The following PTPRT variants were observed in gnomAD, a reference collection of about 807,000 sequenced individuals.
The protein encoded by PTPRT is receptor-type tyrosine-protein phosphatase T.
A neutral mutation model predicts 176.8 loss-of-function variants in PTPRT; 56 were observed. The observed-to-expected ratio is 0.32, with a 90% CI of 0.26 to 0.40. The LOEUF is 0.40. PTPRT is among the 10% of genes least tolerant of loss of function. PTPRT has a pLI of 1.00. For synonymous variants in PTPRT, 783 were observed against 739.0 expected (o/e 1.06, Z -0.96); for missense variants, 1,540 against 1,908.2 (o/e 0.81, Z 3.60).
chr20:43,004,421 A>G (rs1984747565), intron 1 of PTPRT, among the ~76,000 whole-genome samples: 1 of 152,222 alleles, frequency 6.6e-6, no homozygotes, highest in Non-Finnish European at 1.5e-5. Context: ...ACTTCCCACA[A>G]GATTATCTAA....
At chr20:42,830,933 G>T (rs1240161986) in intron 2 of PTPRT, among the ~76,000 whole-genome samples, 1 of 152,160 alleles carries the variant, frequency 6.6e-6, no homozygotes, top group African/African-American at 2.4e-5. Context: ...GCTCATGATA[G>T]GAAGAATTAA....
intron 2 of PTPRT, among the ~76,000 whole-genome samples, chr20:42,868,137 A>G (rs956362232): frequency 6.6e-6 from 1 of 152,224 alleles, no homozygotes; most frequent in Non-Finnish European, 1.5e-5. Flanking sequence ...TTAGAGATTC[A>G]TGCTGCAAAG....
intron 1 of PTPRT, among the ~76,000 whole-genome samples, chr20:43,001,102 G>A (rs1264095601): frequency 6.6e-6 from 1 of 152,008 alleles, no homozygotes; most frequent in Non-Finnish European, 1.5e-5. Flanking sequence ...AAAAGGAGGA[G>A]GAGAAAAGAG....
chr20:42,048,974 A>G, the PTPRT span, among the ~76,000 whole-genome samples: 11 of 152,096 alleles, frequency 7.2e-5, no homozygotes, highest in African/African-American at 2.7e-4. Flanking sequence ...GATGCCCGCC[A>G]CCACACCTGT....
the PTPRT span, among the ~76,000 whole-genome samples, chr20:42,050,768 G>A: frequency 7.4e-3 from 1,120 of 152,338 alleles, 5 homozygotes; most frequent in Non-Finnish European, 0.011. Context: ...GAGGAGTGAA[G>A]TTGGAGGCTG....
chr20:42,804,818 A>T (rs1197641069), intron 2 of PTPRT, among the ~76,000 whole-genome samples: 1 of 152,092 alleles, frequency 6.6e-6, no homozygotes, highest in Non-Finnish European at 1.5e-5. Flanking sequence ...CACATGGTTT[A>T]TCCCTGTGTG....
At chr20:43,152,801 A>G (rs1278223212) in intron 1 of PTPRT, among the ~76,000 whole-genome samples, 1 of 152,198 alleles carries the variant, frequency 6.6e-6, no homozygotes, top group South Asian at 2.1e-4. Context: ...CATTCTCCTT[A>G]GCCTCTTAAT....
At chr20:43,173,754 C>T (rs1347355261) in intron 1 of PTPRT, among the ~76,000 whole-genome samples, 2 of 152,220 alleles carry the variant, frequency 1.3e-5, no homozygotes, top group Admixed American at 6.5e-5. Flanking sequence ...GGTGAGGGTC[C>T]TTCCCTCAGA....
chr20:42,299,641 CTTTTTTT>C (rs34045854), intron 12 of PTPRT, among the ~76,000 whole-genome samples: 2 of 85,986 alleles, frequency 2.3e-5, no homozygotes, highest in South Asian at 4.8e-4. Flanking sequence ...GAACTTTTGC[CTTTTTTT>C]TTTTTTTTTT....
chr20:42,147,970 A>C (rs1474638837), intron 17 of PTPRT, among the ~76,000 whole-genome samples: 3 of 152,106 alleles, frequency 2.0e-5, no homozygotes, highest in Admixed American at 1.3e-4. Flanking sequence ...TGAGGGGGAA[A>C]AGTATGAAAG....
chr20:42,399,210 C>G (rs1383662756), intron 9 of PTPRT, among the ~76,000 whole-genome samples: 1 of 152,240 alleles, frequency 6.6e-6, no homozygotes, highest in Non-Finnish European at 1.5e-5. Context: ...AGAAGAGTGG[C>G]AATGTCACAT....
intron 9 of PTPRT, among the ~76,000 whole-genome samples, chr20:42,402,969 GCA>G (rs1474078773): frequency 6.6e-6 from 1 of 152,040 alleles, no homozygotes; most frequent in African/African-American, 2.4e-5. Context: ...TATAAAAATG[GCA>G]CAGTTTTAAG....
intron 11 of PTPRT, among the ~76,000 whole-genome samples, chr20:42,321,473 T>C (rs576948173): frequency 1.3e-5 from 2 of 152,292 alleles, no homozygotes; most frequent in East Asian, 3.9e-4. Flanking sequence ...TATACCTGTA[T>C]AGCCAACAGG....
rs1046557747 is a variant in PTPRT, at chr20:42,885,723, A to G, written c.214+84T>C. ...ATCGATTGCCATCTCAGAGAGCTCA[A>G]TGTGTAAGTAAGTTCTTCCCCCCAT... is the stretch of plus-strand genomic sequence containing the variant. On this transcript the variant is annotated intron_variant, in intron 2 of 30. Coordinates refer to ENST00000373187, the MANE Select transcript of PTPRT (RefSeq NM_007050.6). 9 of 1,512,212 alleles carry G rather than the reference A, an allele frequency of 6.0e-6. No homozygotes were observed. The African/African-American group carries it at 6.9e-5, about 12-fold the overall frequency. 93.7% of individuals were successfully genotyped at this position (1,512,212 alleles called of 1,614,324 possible).
intron 2 of PTPRT, among the ~76,000 whole-genome samples, chr20:42,855,948 C>T (rs1458029061): frequency 6.6e-6 from 1 of 152,106 alleles, no homozygotes; most frequent in Non-Finnish European, 1.5e-5. Flanking sequence ...AACCAGTTAT[C>T]TCATATGAGG....
At chr20:43,127,172 CCAGCA>C (rs2013472603) in intron 1 of PTPRT, among the ~76,000 whole-genome samples, 1 of 152,004 alleles carries the variant, frequency 6.6e-6, no homozygotes, top group Non-Finnish European at 1.5e-5. Flanking sequence ...ACCTGTAATC[CCAGCA>C]CTTTGGGAGG....
chr20:42,128,272 C>T (rs956302523), intron 19 of PTPRT, among the ~76,000 whole-genome samples: 16 of 152,298 alleles, frequency 1.1e-4, no homozygotes, highest in African/African-American at 3.4e-4. Context: ...TGAATCTCTG[C>T]AGCATGTTAT....
chr20:42,697,754 T>G (rs530348609), intron 6 of PTPRT, among the ~76,000 whole-genome samples: 2 of 152,294 alleles, frequency 1.3e-5, no homozygotes, highest in East Asian at 3.9e-4. Context: ...AGAAGTGAAT[T>G]TGAAAGCATG....
intron 2 of PTPRT, among the ~76,000 whole-genome samples, chr20:42,818,104 G>T (rs1216424460): frequency 6.6e-6 from 1 of 152,146 alleles, no homozygotes; most frequent in Non-Finnish European, 1.5e-5. Flanking sequence ...ACCCTATACA[G>T]GAGCAACCCT....
Sources: allele counts gnomAD v4.1 joint callset (sites outside exome capture counted in the v4.1 genomes callset), GRCh38; gene constraint gnomAD v4.1.1; transcripts MANE v1.5; gene names NCBI Gene and HGNC (gene_info 2026-07-23, HGNC 2026-07-21).